Variants in VPS13C observed in about 807,000 individuals in gnomAD.
VPS13C encodes the protein intermembrane lipid transfer protein VPS13C.
Under a neutral mutation model 456.8 loss-of-function variants are expected in VPS13C, and 358 were observed. The ratio of observed to expected loss-of-function variants is 0.78; its 90% CI spans 0.72 to 0.86. VPS13C has a LOEUF of 0.86. VPS13C is among the 40% of genes least tolerant of loss of function. VPS13C has a pLI of 0.00. For synonymous variants in VPS13C, 1,578 were observed against 1,486.7 expected, an observed-to-expected ratio of 1.06 and a Z score of -1.41; for missense variants, 4,818 against 4,385.4, an observed-to-expected ratio of 1.10 and a Z score of -2.79.
In VPS13C at chr15:61,875,726, C is replaced by T. The variant is rs1374839151; in HGVS notation, c.10338+6G>A. 2 of 1,600,882 alleles carry T rather than the reference C, an allele frequency of 1.2e-6. No individual in the cohort carries two copies. The highest frequency in any genetic ancestry group is 4.5e-5 in the East Asian group (2 of 44,646). On this transcript the variant is annotated splice_donor_region_variant and intron_variant, in intron 76 of 84. Coordinates refer to ENST00000644861, the MANE Select transcript of VPS13C (RefSeq NM_020821.3). ...CCTATCCTTAGAACAAATAAGAGGT[C>T]AATACCTGGAAGGGTTCATAGAATA...
rs750670905 is a variant in VPS13C, at chr15:61,981,319, C to T, written c.2166+23G>A. ...AGCAAGCAGGTCAAAGATGGGCAGACAAAAAAACGCATATATACCTACCTG... is the reference window on the plus strand; with the variant it reads ...AGCAAGCAGGTCAAAGATGGGCAGATAAAAAAACGCATATATACCTACCTG... On this transcript the variant is annotated intron_variant, in intron 22 of 84. Transcript: ENST00000644861. 1.2e-5 allele frequency: 19 copies of T among 1,568,906 alleles called. 2 individuals carry two copies. The South Asian group carries it at 2.2e-4, about 18-fold the overall frequency.
intron 15 of VPS13C, among the ~76,000 whole-genome samples, chr15:62,002,524 T>C (rs570907771): frequency 2.0e-5 from 3 of 152,228 alleles, no homozygotes; most frequent in Non-Finnish European, 4.4e-5. Context: ...TTTAGTTTAA[T>C]TAGATCCCAC....
chr15:62,024,837 C>A (rs558269528), intron 6 of VPS13C, among the ~76,000 whole-genome samples: 1 of 152,184 alleles, frequency 6.6e-6, no homozygotes, highest in African/African-American at 2.4e-5. Context: ...GCCATACTTT[C>A]TAATGCCTAA....
At chr15:61,909,758 A>G (rs888833954) in intron 64 of VPS13C, among the ~76,000 whole-genome samples, 175 of 152,288 alleles carry the variant, frequency 1.1e-3, no homozygotes, top group African/African-American at 4.0e-3. Flanking sequence ...TCCATGGTGT[A>G]TATGTGCCAC....
chr15:62,026,258 T>A (rs2047633818), intron 6 of VPS13C, among the ~76,000 whole-genome samples: 3 of 151,756 alleles, frequency 2.0e-5, no homozygotes. Flanking sequence ...AATCAATTAG[T>A]CCTTCTTGCA....
intron 3 of VPS13C, among the ~76,000 whole-genome samples, chr15:62,037,257 A>AAAT (rs2048049115): frequency 3.8e-5 from 1 of 26,092 alleles, no homozygotes; most frequent in African/African-American, 1.6e-4. Context: ...ATATATTTAT[A>AAAT]TATATTATAT....
intron 65 of VPS13C, among the ~76,000 whole-genome samples, chr15:61,907,725 G>A (rs537882765): frequency 6.6e-6 from 1 of 152,282 alleles, no homozygotes; most frequent in African/African-American, 2.4e-5. Flanking sequence ...AGTAGCAGAA[G>A]AACTTCTATT....
intron 61 of VPS13C, among the ~76,000 whole-genome samples, chr15:61,914,598 C>T (rs531412637): frequency 1.3e-5 from 2 of 151,198 alleles, no homozygotes; most frequent in African/African-American, 2.4e-5. Flanking sequence ...CTCACTCTAT[C>T]GCCCAGGCTG....
chr15:61,861,515 A>G (rs1370039971), intron 82 of VPS13C, among the ~76,000 whole-genome samples: 1 of 152,026 alleles, frequency 6.6e-6, no homozygotes, highest in African/African-American at 2.4e-5. Context: ...GTTCTATGTT[A>G]TCTACAATGA....
rs545334596 is a variant in VPS13C, at chr15:61,998,384, G to T, written c.1353+2180C>A. 1.1e-3 allele frequency among the ~76,000 whole-genome samples: 164 copies of T among 152,174 alleles called. No individual in the cohort carries two copies. In the Middle Eastern group the frequency reaches 0.014, roughly 13 times the overall value. On this transcript the variant is annotated intron_variant, in intron 16 of 84. Transcript: ENST00000644861. ...GTCCCCTACTACAATATAAATAAAA[G>T]ATTTTTGTCTGTTTTGTTCATTTAT...
intron 3 of VPS13C, among the ~76,000 whole-genome samples, chr15:62,037,707 G>C (rs2048112295): frequency 1.0e-5 from 1 of 95,824 alleles, no homozygotes. Context: ...TATTTCAAAA[G>C]TAAAGAATAA....
chr15:62,046,584 C>A (rs1315271222), intron 1 of VPS13C, among the ~76,000 whole-genome samples: 1 of 152,118 alleles, frequency 6.6e-6, no homozygotes, highest in Non-Finnish European at 1.5e-5. Context: ...GACTTTCAAC[C>A]CTGCTCATAA....
chr15:61,982,360 G>T, intron 21 of VPS13C, 99 bp downstream of exon 21: 2 of 879,502 alleles, frequency 2.3e-6, no homozygotes, highest in Non-Finnish European at 3.4e-6. Context: ...TTAAAATAAA[G>T]AAAAAAAGCA....
intron 37 of VPS13C, among the ~76,000 whole-genome samples, chr15:61,956,089 C>T (rs149251253): frequency 7.7e-4 from 117 of 152,222 alleles, no homozygotes; most frequent in African/African-American, 2.8e-3. Context: ...TGCCCACTGA[C>T]AGTGGACTGA....
chr15:61,925,178 C>A (rs1235597342), intron 53 of VPS13C, among the ~76,000 whole-genome samples: 1 of 152,028 alleles, frequency 6.6e-6, no homozygotes, highest in Non-Finnish European at 1.5e-5. Context: ...CTTCCCTCCT[C>A]CAACTCAACC....
chr15:61,947,462 G>A (rs2044645701), intron 42 of VPS13C, among the ~76,000 whole-genome samples, 153 bp from the exon 43 acceptor site: 1 of 151,902 alleles, frequency 6.6e-6, no homozygotes, highest in Non-Finnish European at 1.5e-5. Context: ...ATAAATTTTG[G>A]AATAATTATC....
intron 38 of VPS13C, among the ~76,000 whole-genome samples, chr15:61,953,331 T>G (rs975333945): frequency 7.9e-5 from 12 of 151,718 alleles, no homozygotes; most frequent in South Asian, 4.2e-4. Flanking sequence ...GCTGGTGTGC[T>G]GCACCCATTA....
chr15:62,025,667 T>C (rs1567124555), intron 6 of VPS13C, among the ~76,000 whole-genome samples: 2 of 152,228 alleles, frequency 1.3e-5, no homozygotes, highest in Non-Finnish European at 2.9e-5. Flanking sequence ...CTCTAAACAG[T>C]TTAAATCTAA....
chr15:61,936,151 T>C (rs187021390), intron 48 of VPS13C, among the ~76,000 whole-genome samples: 1 of 152,194 alleles, frequency 6.6e-6, no homozygotes, highest in Non-Finnish European at 1.5e-5. Context: ...TCTGAAAAAT[T>C]ATCTTATGTA....
Sources: allele counts gnomAD v4.1 joint callset (sites outside exome capture counted in the v4.1 genomes callset), GRCh38; gene constraint gnomAD v4.1.1; transcripts MANE v1.5; gene names NCBI Gene and HGNC (gene_info 2026-07-23, HGNC 2026-07-21).